THTPA: variants seen among roughly 807,000 people sequenced by gnomAD.
THTPA encodes the protein thiamine-triphosphatase.
THTPA carries 16 observed loss-of-function variants against 16.5 expected under a neutral mutation model. That is an observed-to-expected ratio of 0.97 (90% CI 0.66 to 1.47). THTPA has a LOEUF of 1.47. Ranked by LOEUF, THTPA falls within the 40% of genes most tolerant of loss-of-function variation. The pLI, the probability that THTPA is intolerant of heterozygous loss-of-function variation, is 0.00. For missense variants in THTPA, 281 were observed against 280.9 expected (o/e 1.00, Z 0.00); for synonymous variants, 110 against 115.5 (o/e 0.95, Z 0.30).
chr14:23,531,025 A>G, the THTPA span: 1 of 157,102 alleles, frequency 6.4e-6, no homozygotes, highest in African/African-American at 2.4e-5. Flanking sequence ...ACCTCCTAGG[A>G]GACAGGAAGA....
the THTPA span, chr14:23,534,568 A>G: frequency 6.5e-7 from 1 of 1,536,146 alleles, no homozygotes; most frequent in Non-Finnish European, 8.7e-7. This position sits in a 1 kb window ranked among gnomAD's most constrained non-coding sequence, Gnocchi z 4.5. Flanking sequence ...TGTGTGATCC[A>G]TAAAGGCCTG....
the THTPA span, chr14:23,533,642 C>A: frequency 6.5e-7 from 1 of 1,537,016 alleles, no homozygotes; most frequent in Non-Finnish European, 8.7e-7. This position sits in a 1 kb window ranked among gnomAD's most constrained non-coding sequence, Gnocchi z 4.8. Flanking sequence ...GTCTTAGGCT[C>A]TTTGTCTCCC....
chr14:23,554,281 C>T (rs1021414215), upstream of THTPA, among the ~76,000 whole-genome samples: 1 of 152,136 alleles, frequency 6.6e-6, no homozygotes, highest in Non-Finnish European at 1.5e-5. Context: ...GAAAAGCAGG[C>T]TTTAGGAGCT....
rs750640155 is a variant in THTPA, at chr14:23,556,881, AC to A, written c.128del (p.Pro43LeufsTer3). 6.2e-7 allele frequency: 1 copy of A among 1,613,430 alleles called. No homozygotes were observed. Among genetic ancestry groups the A allele is most frequent in the Non-Finnish European group, 8.5e-7 (1 of 1,179,722 alleles). On this transcript the variant is annotated frameshift_variant, in exon 1 of 2. Coordinates refer to ENST00000288014, the MANE Select transcript of THTPA (RefSeq NM_024328.6). LOFTEE classifies it high-confidence loss of function. The part of the protein sequence containing the change: ...RVTFRDTYYD[T>X]PELSLMQADH... ...CACCTTCCGAGACACCTACTATGAC[AC>A]CCCTGAGCTGAGCCTCATGCAGGCT... is the stretch of plus-strand genomic sequence containing the variant.
At chr14:23,532,418 C>A in the THTPA span, 3 of 955,586 alleles carry the variant, frequency 3.1e-6, no homozygotes, top group East Asian at 2.9e-5. Context: ...CACTTTGTTA[C>A]CCTGGTACAT....
At chr14:23,557,725 C>T (rs1360264817) in intron 1 of THTPA, among the ~76,000 whole-genome samples, 1 of 152,106 alleles carries the variant, frequency 6.6e-6, no homozygotes, top group African/African-American at 2.4e-5. Context: ...TTCTCAGTTC[C>T]CTGCTTTGAC....
chr14:23,517,217 C>T, the THTPA span, among the ~76,000 whole-genome samples: 1 of 152,134 alleles, frequency 6.6e-6, no homozygotes. Context: ...TGGGTGGTCA[C>T]GCAATTGAAT....
At chr14:23,541,359 G>A in the THTPA span, among the ~76,000 whole-genome samples, 1 of 150,806 alleles carries the variant, frequency 6.6e-6, no homozygotes, top group East Asian at 1.9e-4. Flanking sequence ...TGCGATCTTG[G>A]CTCACTGCAA....
the THTPA span, chr14:23,533,701 C>G: frequency 6.5e-7 from 1 of 1,540,954 alleles, no homozygotes; most frequent in Admixed American, 1.9e-5. This position sits in a 1 kb window ranked among gnomAD's most constrained non-coding sequence, Gnocchi z 4.8. Flanking sequence ...CCCACCAGGG[C>G]CCGCCTGGAA....
the THTPA span, among the ~76,000 whole-genome samples, chr14:23,540,739 T>C: frequency 6.6e-6 from 1 of 152,328 alleles, no homozygotes; most frequent in Middle Eastern, 3.4e-3. Context: ...AATGATATTT[T>C]CCTTACTCAG....
chr14:23,538,749 C>A, the THTPA span, among the ~76,000 whole-genome samples: 8 of 152,022 alleles, frequency 5.3e-5, no homozygotes, highest in Admixed American at 2.0e-4. Context: ...GAGGGTGGAT[C>A]TGGTGTAGGG....
the THTPA span, chr14:23,522,211 C>T: frequency 6.8e-7 from 1 of 1,480,382 alleles, no homozygotes; most frequent in Non-Finnish European, 8.9e-7. Context: ...TGCAGATGGG[C>T]ACCCGCAATG....
the THTPA span, chr14:23,522,610 T>C: frequency 1.3e-5 from 20 of 1,531,918 alleles, no homozygotes; most frequent in African/African-American, 2.5e-4. Flanking sequence ...CAGCTGGCGG[T>C]GCTGTTCCCC....
chr14:23,518,070 T>C, the THTPA span, among the ~76,000 whole-genome samples: 1 of 152,230 alleles, frequency 6.6e-6, no homozygotes, highest in Non-Finnish European at 1.5e-5. This position sits in a 1 kb window ranked among gnomAD's most constrained non-coding sequence, Gnocchi z 4.5. Flanking sequence ...TCCCTTGTAC[T>C]TATACATATG....
At chr14:23,532,051 C>T in the THTPA span, 6 of 193,884 alleles carry the variant, frequency 3.1e-5, no homozygotes, top group East Asian at 7.4e-4. Flanking sequence ...GCCGGGACTA[C>T]AGGCGTGAGC....
the THTPA span, chr14:23,524,738 A>G: frequency 2.6e-6 from 4 of 1,536,304 alleles, no homozygotes; most frequent in Non-Finnish European, 3.5e-6. This position sits in a 1 kb window ranked among gnomAD's most constrained non-coding sequence, Gnocchi z 5.6. Flanking sequence ...AGGCTCTGGT[A>G]ATGGGCCCTC....
At chr14:23,526,990 C>G in the THTPA span, 14 of 1,490,276 alleles carry the variant, frequency 9.4e-6, no homozygotes, top group Non-Finnish European at 1.2e-5. Context: ...TGAGAAAAAG[C>G]CTAGTGGCTT....
chr14:23,533,678 G>A, the THTPA span: 2 of 1,538,182 alleles, frequency 1.3e-6, no homozygotes, highest in East Asian at 2.4e-5. The surrounding 1 kb of genome is among the most constrained non-coding windows in gnomAD (Gnocchi z 4.8). Context: ...GATGCCTCTG[G>A]TGGACTTCCC....
the THTPA span, among the ~76,000 whole-genome samples, chr14:23,519,141 C>T: frequency 1.3e-5 from 2 of 151,924 alleles, no homozygotes; most frequent in Non-Finnish European, 2.9e-5. Context: ...TGTAAAAGAA[C>T]ATGTTGCGTG....
Sources: allele counts gnomAD v4.1 joint callset (sites outside exome capture counted in the v4.1 genomes callset), GRCh38; gene constraint gnomAD v4.1.1; non-coding constraint Gnocchi (gnomAD v3.1); transcripts MANE v1.5; gene names NCBI Gene and HGNC (gene_info 2026-07-23, HGNC 2026-07-21).